APBB2: variants seen among roughly 807,000 people sequenced by gnomAD.
The protein encoded by APBB2 is Fe65-like 1.
A neutral mutation model predicts 82.5 loss-of-function variants in APBB2; 38 were observed. The ratio of observed to expected loss-of-function variants is 0.46; its 90% CI spans 0.36 to 0.60. APBB2 has a LOEUF of 0.60. Ranked by LOEUF, APBB2 falls within the 20% of genes least tolerant of loss-of-function variation. The pLI, the probability that APBB2 is intolerant of heterozygous loss-of-function variation, is 0.00. For missense variants in APBB2, 772 were observed against 972.3 expected (o/e 0.79, Z 2.74); for synonymous variants, 341 against 368.2 (o/e 0.93, Z 0.85).
At chr4:40,929,924 T>C (rs1301167693) in intron 10 of APBB2, among the ~76,000 whole-genome samples, 1 of 152,224 alleles carries the variant, frequency 6.6e-6, no homozygotes, top group East Asian at 1.9e-4. Flanking sequence ...ACTCCTCCTA[T>C]GGATACTGGT....
intron 1 of APBB2, among the ~76,000 whole-genome samples, chr4:41,191,948 C>T (rs371377310): frequency 2.6e-5 from 4 of 151,070 alleles, no homozygotes; most frequent in African/African-American, 7.3e-5. Flanking sequence ...AAATAAATAA[C>T]CTGATAAAAA....
At chr4:40,864,478 GA>G (rs963587271) in intron 12 of APBB2, among the ~76,000 whole-genome samples, 3 of 151,392 alleles carry the variant, frequency 2.0e-5, no homozygotes, top group Non-Finnish European at 4.4e-5. Flanking sequence ...AAAAATTTTG[GA>G]AAAAAAACAA....
At chr4:40,858,466 A>AAG (rs1761994888) in intron 12 of APBB2, among the ~76,000 whole-genome samples, 1 of 149,372 alleles carries the variant, frequency 6.7e-6, no homozygotes, top group South Asian at 2.1e-4. Flanking sequence ...AAAAAAAAAA[A>AAG]AAAAAAAAAA....
At chr4:41,173,877 A>G (rs998395565) in intron 1 of APBB2, among the ~76,000 whole-genome samples, 1 of 152,212 alleles carries the variant, frequency 6.6e-6, no homozygotes, top group Non-Finnish European at 1.5e-5. Flanking sequence ...TAAGTGATGC[A>G]TGACTGTATA....
chr4:40,864,953 G>C (rs929920042), intron 12 of APBB2, among the ~76,000 whole-genome samples: 7 of 151,294 alleles, frequency 4.6e-5, no homozygotes, highest in African/African-American at 1.7e-4. Context: ...CTGCCTCCTG[G>C]GTTCAAGCAA....
chr4:41,156,582 T>C (rs577218805), intron 1 of APBB2, among the ~76,000 whole-genome samples: 1 of 152,206 alleles, frequency 6.6e-6, no homozygotes, highest in African/African-American at 2.4e-5. Flanking sequence ...AAATAACTTG[T>C]ATTTGTAAGT....
At chr4:41,107,386 A>T (rs1223471877) in intron 2 of APBB2, among the ~76,000 whole-genome samples, 1 of 152,228 alleles carries the variant, frequency 6.6e-6, no homozygotes, top group Non-Finnish European at 1.5e-5. Context: ...ATATTCATTG[A>T]AAAAATAATG....
chr4:41,105,700 C>T (rs1333233588), intron 2 of APBB2, among the ~76,000 whole-genome samples: 2 of 152,050 alleles, frequency 1.3e-5, no homozygotes, highest in African/African-American at 4.8e-5. Flanking sequence ...CTGGCTAACA[C>T]AGTGAAACCC....
At chr4:40,845,588 C>CA (rs71198606) in intron 12 of APBB2, among the ~76,000 whole-genome samples, 5,163 of 56,440 alleles carry the variant, frequency 0.091, 998 homozygotes, top group African/African-American at 0.22. Flanking sequence ...GGAAATTCCT[C>CA]AAAAAAAAAA....
chr4:40,886,996 C>A (rs116507687), intron 12 of APBB2, among the ~76,000 whole-genome samples: 1,716 of 152,314 alleles, frequency 0.011, 38 homozygotes, highest in African/African-American at 0.039. Flanking sequence ...CCAAGAAACA[C>A]CGTAATAAAG....
chr4:41,014,965 G>A (rs1048553364), intron 5 of APBB2, among the ~76,000 whole-genome samples: 6 of 152,138 alleles, frequency 3.9e-5, no homozygotes, highest in African/African-American at 1.4e-4. Flanking sequence ...CTAATGTCTT[G>A]GTGAACATTT....
chr4:40,939,990 T>C (rs1786407628), intron 7 of APBB2, among the ~76,000 whole-genome samples: 1 of 152,228 alleles, frequency 6.6e-6, no homozygotes, highest in Non-Finnish European at 1.5e-5. Context: ...GCTGGCTTTG[T>C]CATTGCAACA....
intron 1 of APBB2, among the ~76,000 whole-genome samples, chr4:41,179,311 A>AGGCTT (rs1560966627): frequency 3.3e-5 from 5 of 152,238 alleles, no homozygotes; most frequent in African/African-American, 2.4e-5. Context: ...CGAGTACCTC[A>AGGCTT]ATTGGGAAGT....
intron 12 of APBB2, among the ~76,000 whole-genome samples, chr4:40,854,422 TTAA>T (rs1457915712): frequency 1.9e-4 from 29 of 152,190 alleles, no homozygotes; most frequent in Non-Finnish European, 4.4e-5. Context: ...AGGGACACAG[TTAA>T]GTCATCTCTT....
intron 10 of APBB2, among the ~76,000 whole-genome samples, chr4:40,923,185 C>T (rs1222078613): frequency 1.3e-5 from 2 of 150,278 alleles, no homozygotes; most frequent in Non-Finnish European, 3.0e-5. Context: ...CCGTGTTAGC[C>T]AAGATGGTCT....
intron 10 of APBB2, among the ~76,000 whole-genome samples, chr4:40,917,876 TTTAAAAA>T (rs999414289): frequency 1.3e-5 from 2 of 152,172 alleles, no homozygotes; most frequent in African/African-American, 4.8e-5. Context: ...AGGGCAAAGG[TTTAAAAA>T]CAGAGTGATC....
chr4:40,869,918 C>G (rs1285119756), intron 12 of APBB2, among the ~76,000 whole-genome samples: 1 of 151,536 alleles, frequency 6.6e-6, no homozygotes. Context: ...CCCCAGTCAC[C>G]CCATTCTGCT....
chr4:40,863,105 G>A (rs1763178966), intron 12 of APBB2, among the ~76,000 whole-genome samples: 1 of 152,204 alleles, frequency 6.6e-6, no homozygotes, highest in African/African-American at 2.4e-5. Flanking sequence ...CTCTTTCTGT[G>A]TCCCGCACTG....
At chr4:41,094,370 A>C (rs948971198) in intron 3 of APBB2, among the ~76,000 whole-genome samples, 1 of 152,222 alleles carries the variant, frequency 6.6e-6, no homozygotes, top group Non-Finnish European at 1.5e-5. Flanking sequence ...CAAGTCACAA[A>C]TTATTTTTCA....
Sources: allele counts gnomAD v4.1 joint callset (sites outside exome capture counted in the v4.1 genomes callset), GRCh38; gene constraint gnomAD v4.1.1; transcripts MANE v1.5; gene names NCBI Gene and HGNC (gene_info 2026-07-23, HGNC 2026-07-21).